The following COL4A1 variants were observed in gnomAD, a reference collection of about 807,000 sequenced individuals.
COL4A1 encodes the protein collagen type IV alpha 1 chain.
In COL4A1, 40 loss-of-function variants were observed where a neutral mutation model predicts 216.6. The observed-to-expected ratio is 0.18, with a 90% CI of 0.14 to 0.24. COL4A1 has a LOEUF of 0.24. COL4A1 is among the 10% of genes least tolerant of loss of function. The pLI is 1.00. For missense variants in COL4A1, 1,628 were observed against 2,196.8 expected (o/e 0.74, Z 5.18); for synonymous variants, 839 against 810.7 (o/e 1.03, Z -0.59).
At chr13:110,189,349 C>T (rs1878533947) in intron 24 of COL4A1, among the ~76,000 whole-genome samples, 1 of 152,232 alleles carries the variant, frequency 6.6e-6, no homozygotes, top group South Asian at 2.1e-4. Flanking sequence ...AGGCGTGAGC[C>T]ACCGTACCCA....
intron 15 of COL4A1, among the ~76,000 whole-genome samples, chr13:110,206,198 G>GTT (rs1879507120): frequency 6.6e-6 from 1 of 152,214 alleles, no homozygotes; most frequent in Non-Finnish European, 1.5e-5. Flanking sequence ...TTTAATGCAG[G>GTT]TTTCTGCATG....
chr13:110,292,999 TA>T (rs1414257408), intron 1 of COL4A1, among the ~76,000 whole-genome samples: 2 of 152,222 alleles, frequency 1.3e-5, no homozygotes, highest in African/African-American at 4.8e-5. Flanking sequence ...AATTGGCTGT[TA>T]TTTTTAAAAA....
intron 1 of COL4A1, among the ~76,000 whole-genome samples, chr13:110,290,508 C>T (rs955106604): frequency 6.6e-6 from 1 of 152,130 alleles, no homozygotes; most frequent in African/African-American, 2.4e-5. Flanking sequence ...TCCACAGGCT[C>T]CTCCGGCTTC....
intron 2 of COL4A1, among the ~76,000 whole-genome samples, chr13:110,216,239 G>C (rs1880068656): frequency 6.6e-6 from 1 of 152,134 alleles, no homozygotes; most frequent in African/African-American, 2.4e-5. Flanking sequence ...CCCAGACCAG[G>C]ACTTGTTCAA....
chr13:110,285,477 A>C (rs1883804456), intron 1 of COL4A1, among the ~76,000 whole-genome samples: 1 of 152,138 alleles, frequency 6.6e-6, no homozygotes, highest in Non-Finnish European at 1.5e-5. Flanking sequence ...TCAGCACTTG[A>C]GCTAAGCTAC....
In COL4A1 at chr13:110,216,148, G is replaced by A. The variant is rs137904493; in HGVS notation, c.145-2133C>T. Among the ~76,000 whole-genome samples the A allele has an allele frequency of 3.3e-3, 505 of 152,322 alleles. 1 individual carries two copies. The highest frequency in any genetic ancestry group is 5.6e-3 in the Non-Finnish European group (380 of 68,034). ...GCCAGAAGCACAGACGTGACTCCAC[G>A]AGGGCCCTGATCCCAAGGTTTGACA... On this transcript the variant is annotated intron_variant, in intron 2 of 51. Coordinates refer to ENST00000375820, the MANE Select transcript of COL4A1 (RefSeq NM_001845.6).
chr13:110,235,848 A>G lies in COL4A1; in HGVS notation c.144+6827T>C, dbSNP rs566124150. ...AAGCACTCTGTCCTTGTATATTTTAATTTCATAATGAAAACATGGCTAAAA... is the reference window on the plus strand; with the variant it reads ...AAGCACTCTGTCCTTGTATATTTTAGTTTCATAATGAAAACATGGCTAAAA... On this transcript the variant is annotated intron_variant, in intron 2 of 51. Coordinates refer to ENST00000375820, the MANE Select transcript of COL4A1 (RefSeq NM_001845.6). Among the ~76,000 whole-genome samples the G allele has an allele frequency of 1.4e-4, 22 of 152,264 alleles. No homozygotes were observed. The East Asian group carries it at 4.2e-3, about 29-fold the overall frequency.
At position 110,279,826 on chromosome 13, in the gene COL4A1, C is replaced by T. The variant is rs181889683; in HGVS notation, c.84+27118G>A. 7.2e-5 allele frequency among the ~76,000 whole-genome samples: 11 copies of T among 152,334 alleles called. No homozygotes were observed. The East Asian group carries it at 2.1e-3, about 29-fold the overall frequency. On this transcript the variant is annotated intron_variant, in intron 1 of 51. Coordinates refer to ENST00000375820, the MANE Select transcript of COL4A1 (RefSeq NM_001845.6). Reference sequence around the variant, plus strand: ...TTCTTGGCACTACTATTCAGTGAGTCCCTTCTGCAGTGCTGGCCTGTCTCC... The same window carrying T: ...TTCTTGGCACTACTATTCAGTGAGTTCCTTCTGCAGTGCTGGCCTGTCTCC...
intron 1 of COL4A1, among the ~76,000 whole-genome samples, chr13:110,244,356 T>C (rs1881694457): frequency 6.6e-6 from 1 of 152,178 alleles, no homozygotes; most frequent in Non-Finnish European, 1.5e-5. Context: ...CCAGAGATGA[T>C]AGGTCTGTGT....
At chr13:110,263,305 A>G (rs1218345527) in intron 1 of COL4A1, among the ~76,000 whole-genome samples, 4 of 152,208 alleles carry the variant, frequency 2.6e-5, no homozygotes, top group African/African-American at 4.8e-5. Context: ...AGAATACAGC[A>G]TGTAATCAAG....
chr13:110,288,963 A>G (rs1302799012), intron 1 of COL4A1, among the ~76,000 whole-genome samples: 1 of 152,142 alleles, frequency 6.6e-6, no homozygotes, highest in Non-Finnish European at 1.5e-5. Context: ...ACTGGGACCC[A>G]GGAGGCGGAG....
chr13:110,191,270 C>G, intron 24 of COL4A1: 1 of 160,440 alleles, frequency 6.2e-6, no homozygotes, highest in Non-Finnish European at 1.4e-5. Flanking sequence ...TTTGTAGAAG[C>G]TTCCAGCAAT....
At chr13:110,220,495 T>C (rs662163) in intron 2 of COL4A1, among the ~76,000 whole-genome samples, 94,531 of 152,096 alleles carry the variant, frequency 0.62, 29,799 homozygotes, top group East Asian at 0.89. Flanking sequence ...TATCGCACAA[T>C]GCTAGCCCAG....
At chr13:110,188,838 C>T (rs918196880) in intron 24 of COL4A1, among the ~76,000 whole-genome samples, 5 of 152,292 alleles carry the variant, frequency 3.3e-5, no homozygotes, top group African/African-American at 7.2e-5. Context: ...GGCTAAGGAA[C>T]GGGAGAAGCT....
intron 1 of COL4A1, among the ~76,000 whole-genome samples, chr13:110,288,741 G>C (rs911993029): frequency 3.3e-5 from 5 of 152,158 alleles, no homozygotes; most frequent in African/African-American, 4.8e-5. Flanking sequence ...ACCTGTAAAT[G>C]ATGGGTGTCA....
chr13:110,275,298 A>G (rs571891525), intron 1 of COL4A1, among the ~76,000 whole-genome samples: 48 of 152,380 alleles, frequency 3.2e-4, no homozygotes, highest in African/African-American at 1.2e-3. Flanking sequence ...GAAAATAACC[A>G]TATGCAAATG....
chr13:110,242,587 T>C, intron 2 of COL4A1, 88 bp downstream of exon 2: 1 of 1,424,854 alleles, frequency 7.0e-7, no homozygotes, highest in Non-Finnish European at 9.9e-7. Context: ...GGCTTTCACC[T>C]GAATTGCTGA....
chr13:110,285,744 C>A (rs1883818077), intron 1 of COL4A1, among the ~76,000 whole-genome samples: 1 of 152,184 alleles, frequency 6.6e-6, no homozygotes, highest in African/African-American at 2.4e-5. Flanking sequence ...GCCCCTGGTG[C>A]TCCCAGTTCT....
intron 2 of COL4A1, 142 bp downstream of exon 2, chr13:110,242,533 G>C (rs1881612578): frequency 2.2e-6 from 2 of 902,076 alleles, no homozygotes; most frequent in Non-Finnish European, 3.7e-6. Context: ...GCCTGGTTTG[G>C]CTTCATTTGT....
Sources: gnomAD v4.1 joint callset for allele counts (sites outside exome capture counted in the v4.1 genomes callset) on GRCh38, gnomAD v4.1.1 for gene constraint, MANE v1.5 for transcripts, NCBI Gene and HGNC (gene_info 2026-07-23, HGNC 2026-07-21) for gene names.